The following PARD3 variants were observed in gnomAD, a reference collection of about 807,000 sequenced individuals.
PARD3 encodes partitioning defective 3 homolog.
PARD3 carries 75 observed loss-of-function variants against 155.4 expected under a neutral mutation model. The observed-to-expected ratio is 0.48, with a 90% confidence interval of 0.40 to 0.58. The LOEUF (loss-of-function observed/expected upper bound fraction) is 0.58. Among genes scored for constraint, PARD3 ranks in the 20% least tolerant of loss-of-function variants. The pLI, the probability that PARD3 is intolerant of heterozygous loss-of-function variation, is 0.00. For synonymous variants in PARD3, 576 were observed against 610.5 expected, an observed-to-expected ratio of 0.94 and a Z score of 0.83; for missense variants, 1,642 against 1,721.7, an observed-to-expected ratio of 0.95 and a Z score of 0.82.
intron 5 of PARD3, among the ~76,000 whole-genome samples, chr10:34,402,992 G>T (rs1272500658): frequency 6.6e-6 from 1 of 152,072 alleles, no homozygotes; most frequent in Non-Finnish European, 1.5e-5. Flanking sequence ...TGAGATCAAT[G>T]GACTTATTAG....
At chr10:34,186,782 A>G (rs1950512884) in intron 22 of PARD3, among the ~76,000 whole-genome samples, 1 of 152,062 alleles carries the variant, frequency 6.6e-6, no homozygotes, top group South Asian at 2.1e-4. Context: ...TTCTGGTGTC[A>G]GCCCCTCTCT....
At chr10:34,773,623 G>T (rs1249526524) in intron 1 of PARD3, among the ~76,000 whole-genome samples, 1 of 152,214 alleles carries the variant, frequency 6.6e-6, no homozygotes, top group East Asian at 1.9e-4. Flanking sequence ...GCAGCGTCAG[G>T]TATGTTAATC....
intron 2 of PARD3, among the ~76,000 whole-genome samples, chr10:34,670,300 G>A (rs563267311): frequency 1.8e-4 from 27 of 152,326 alleles, no homozygotes; most frequent in Middle Eastern, 3.4e-3. Context: ...CAGCCAGCGC[G>A]TGCACACCGG....
chr10:34,546,649 T>C (rs370448614), intron 2 of PARD3, among the ~76,000 whole-genome samples: 9 of 152,220 alleles, frequency 5.9e-5, no homozygotes, highest in East Asian at 1.9e-4. Flanking sequence ...AATACACTTT[T>C]ATACAAAGAA....
chr10:34,563,271 C>G (rs2085650075), intron 2 of PARD3, among the ~76,000 whole-genome samples: 1 of 152,034 alleles, frequency 6.6e-6, no homozygotes, highest in East Asian at 1.9e-4. Flanking sequence ...TATCTAAAAG[C>G]CTGAAAATAA....
intron 2 of PARD3, chr10:34,663,798 A>G (rs1342820625): frequency 6.6e-6 from 1 of 150,666 alleles, no homozygotes; most frequent in Admixed American, 6.6e-5. Context: ...TTCCCAAAGA[A>G]TTCTTTAAAA....
chr10:34,705,420 G>A (rs1161256599), intron 1 of PARD3, among the ~76,000 whole-genome samples: 5 of 151,744 alleles, frequency 3.3e-5, no homozygotes, highest in Non-Finnish European at 7.4e-5. Flanking sequence ...CCCGGGAGGT[G>A]GACAATACAG....
chr10:34,489,416 T>G (rs976683927), intron 3 of PARD3, among the ~76,000 whole-genome samples: 15 of 152,330 alleles, frequency 9.8e-5, no homozygotes, highest in African/African-American at 3.4e-4. Flanking sequence ...TTGAAAAGCT[T>G]TATTTTCTAC....
chr10:34,490,114 G>A (rs544626765), intron 3 of PARD3, among the ~76,000 whole-genome samples: 1 of 152,090 alleles, frequency 6.6e-6, no homozygotes, highest in Non-Finnish European at 1.5e-5. Flanking sequence ...CCATCACACG[G>A]TAGGAGTGCA....
chr10:34,777,520 A>T (rs1316941583), intron 1 of PARD3, among the ~76,000 whole-genome samples: 1 of 152,098 alleles, frequency 6.6e-6, no homozygotes, highest in Non-Finnish European at 1.5e-5. Context: ...TATACAGTAG[A>T]TGCTCATTAG....
intron 1 of PARD3, among the ~76,000 whole-genome samples, chr10:34,758,691 G>T (rs776078455): frequency 6.6e-6 from 1 of 152,142 alleles, no homozygotes. Context: ...ACTGAGTTTG[G>T]ATTAATTTCA....
Position 34,352,466 on chromosome 10 carries a change from C to T in PARD3, c.2068-4351G>A, listed in dbSNP as rs575542973. ...CCCTGCCTGATTCTCCTGCCTCAGC[C>T]TGCAGAGTGCCTGGGATTGCAGGCA... is the stretch of plus-strand genomic sequence containing the variant. On this transcript the variant is annotated intron_variant, in intron 14 of 24. Transcript: ENST00000374788. 2.3e-3 allele frequency among the ~76,000 whole-genome samples: 357 copies of T among 152,344 alleles called. 2 individuals are homozygous for T. The highest frequency in any genetic ancestry group is 0.015 in the South Asian group (74 of 4,824).
chr10:34,248,169 C>T (rs991008997), intron 22 of PARD3, among the ~76,000 whole-genome samples: 1 of 152,108 alleles, frequency 6.6e-6, no homozygotes, highest in Non-Finnish European at 1.5e-5. Context: ...CAAGATAAAA[C>T]ATTTTGCTAA....
At chr10:34,211,247 G>A (rs1467080298) in intron 22 of PARD3, among the ~76,000 whole-genome samples, 1 of 152,132 alleles carries the variant, frequency 6.6e-6, no homozygotes, top group Non-Finnish European at 1.5e-5. Flanking sequence ...AGATTAGAAG[G>A]GGGCTGCATA....
At chr10:34,224,327 C>T (rs1391896341) in intron 22 of PARD3, among the ~76,000 whole-genome samples, 1 of 152,210 alleles carries the variant, frequency 6.6e-6, no homozygotes, top group Non-Finnish European at 1.5e-5. Context: ...TGCAGAGGTA[C>T]ATGGGGGAAT....
At position 34,692,086 on chromosome 10, in the gene PARD3, GC is replaced by G. The variant is rs200870345; in HGVS notation, c.222+4231del. ...ATCTCTACTAAAAATACAAAAATTA[GC>G]CAGGCATGGTGACGTGCACCTGTAA... is the stretch of plus-strand genomic sequence containing the variant. On this transcript the variant is annotated intron_variant, in intron 2 of 24. Transcript: ENST00000374788. 9.8e-3 allele frequency among the ~76,000 whole-genome samples: 1,489 copies of G among 152,248 alleles called. 28 individuals carry two copies. The highest frequency in any genetic ancestry group is 0.034 in the African/African-American group (1,411 of 41,548).
intron 14 of PARD3, among the ~76,000 whole-genome samples, chr10:34,353,425 C>CAACAT: frequency 6.6e-6 from 1 of 152,286 alleles, no homozygotes; most frequent in East Asian, 1.9e-4. Flanking sequence ...CCCCCAACCC[C>CAACAT]GTGCTCTCTG....
At chr10:34,355,434 C>A (rs1838691264) in intron 14 of PARD3, among the ~76,000 whole-genome samples, 1 of 152,180 alleles carries the variant, frequency 6.6e-6, no homozygotes, top group East Asian at 1.9e-4. Flanking sequence ...TCTCTGCCTT[C>A]TACAACAGAA....
chr10:34,205,565 C>A (rs1254199769), intron 22 of PARD3, among the ~76,000 whole-genome samples: 3 of 152,032 alleles, frequency 2.0e-5, no homozygotes, highest in African/African-American at 7.2e-5. Flanking sequence ...CAATGGCAAG[C>A]AGAGGGACTT....
Sources: gnomAD v4.1 joint callset for allele counts (sites outside exome capture counted in the v4.1 genomes callset) on GRCh38, gnomAD v4.1.1 for gene constraint, MANE v1.5 for transcripts, NCBI Gene and HGNC (gene_info 2026-07-23, HGNC 2026-07-21) for gene names.